The following MS4A3 variants were observed in gnomAD, a reference collection of about 807,000 sequenced individuals.
MS4A3 encodes membrane spanning 4-domains A3, also known as membrane-spanning 4-domains subfamily A member 3.
MS4A3 carries 18 observed loss-of-function variants against 24.7 expected under a neutral mutation model. The ratio of observed to expected loss-of-function variants is 0.73; its 90% CI spans 0.50 to 1.08. The LOEUF is 1.08. MS4A3 is among the 50% of genes least tolerant of loss of function. MS4A3 has a pLI of 0.00. For missense variants in MS4A3, 282 were observed against 251.7 expected, an observed-to-expected ratio of 1.12 and a Z score of -0.82; for synonymous variants, 84 against 95.3, an observed-to-expected ratio of 0.88 and a Z score of 0.69.
chr11:60,062,663 G>C, intron 3 of MS4A3, 58 bp downstream of exon 3: 11 of 1,587,158 alleles, frequency 6.9e-6, no homozygotes, highest in Non-Finnish European at 9.5e-6. Flanking sequence ...TGCTGGAGAT[G>C]TGTTTGATGA....
rs150117675 is a variant in MS4A3 at position 60,064,895 on chromosome 11, G to A, written c.351+577G>A. Among the ~76,000 whole-genome samples, 32 of 152,034 alleles carry A rather than the reference G, an allele frequency of 2.1e-4. 1 individual carries two copies. In the East Asian group the frequency reaches 6.0e-3, roughly 28 times the overall value. On this transcript the variant is annotated intron_variant, in intron 4 of 6. Transcript: ENST00000278865. Reference sequence around the variant, plus strand: ...AATTTTCAGACCTCCACTACTAATGGACTAGATCTGTACCAATGTATTTTT... The same window carrying A: ...AATTTTCAGACCTCCACTACTAATGAACTAGATCTGTACCAATGTATTTTT...
chr11:60,068,473 C>T (rs1278047533), intron 5 of MS4A3, among the ~76,000 whole-genome samples: 2 of 148,578 alleles, frequency 1.3e-5, no homozygotes, highest in Non-Finnish European at 1.5e-5. Context: ...AGGATGGTCT[C>T]GATCTCCTGA....
intron 1 of MS4A3, among the ~76,000 whole-genome samples, chr11:60,057,651 G>T (rs1166738353): frequency 6.6e-6 from 1 of 152,044 alleles, no homozygotes; most frequent in Non-Finnish European, 1.5e-5. Context: ...AGATCCTCCC[G>T]CCTCTGCCTC....
At chr11:60,062,344 T>C in intron 2 of MS4A3, 124 bp from the exon 3 acceptor site, 1 of 1,160,082 alleles carries the variant, frequency 8.6e-7, no homozygotes, top group Non-Finnish European at 1.2e-6. Flanking sequence ...TCTGTTAATT[T>C]AGGCTTGACA....
At position 60,069,590 on chromosome 11, in the gene MS4A3, T is replaced by G; in HGVS notation, c.530T>G (p.Leu177Arg). Reference protein sequence around the residue: ...GSISNGMVSLLLILTLLELCV... With the variant: ...GSISNGMVSLRLILTLLELCV... ...ATCCCCTAGGGCATGGTGTCTCTACTGCTGATTCTCACCTTGCTGGAATTA... is the reference window on the plus strand; with the variant it reads ...ATCCCCTAGGGCATGGTGTCTCTACGGCTGATTCTCACCTTGCTGGAATTA... Residue 177 changes from leucine to arginine, a missense_variant, in exon 6 of 7, where the codon CTG becomes CGG. Physicochemically the swap from Leu to Arg is moderately radical, Grantham distance 102. Transcript: ENST00000278865. 1 of 1,613,068 alleles carries G rather than the reference T, an allele frequency of 6.2e-7. No homozygotes were observed. Among genetic ancestry groups the G allele is most frequent in the Non-Finnish European group, 8.5e-7 (1 of 1,179,144 alleles).
Position 60,061,336 on chromosome 11 carries a change from A to G in MS4A3, c.156+20A>G. Reference sequence around the variant, plus strand: ...CTTGGGGTAAGTCAGCCTTAGTTTAAACACTGATTTAAGAGGGAAGAAAAT... The same window carrying G: ...CTTGGGGTAAGTCAGCCTTAGTTTAGACACTGATTTAAGAGGGAAGAAAAT... On this transcript the variant is annotated intron_variant, in intron 2 of 6. Transcript: ENST00000278865. 6.3e-7 allele frequency: 1 copy of G among 1,594,652 alleles called. No homozygotes were observed. Among genetic ancestry groups the G allele is most frequent in the Non-Finnish European group, 8.5e-7 (1 of 1,172,284 alleles).
At chr11:60,061,767 C>A (rs1855280049) in intron 2 of MS4A3, among the ~76,000 whole-genome samples, 1 of 152,078 alleles carries the variant, frequency 6.6e-6, no homozygotes, top group Non-Finnish European at 1.5e-5. Context: ...CATTCCAAAC[C>A]CCAATGTTGT....
At chr11:60,058,506 CAAAAAAAAAAAAAAAAAA>C (rs58722616) in intron 1 of MS4A3, among the ~76,000 whole-genome samples, 2,074 of 17,914 alleles carry the variant, frequency 0.12, 86 homozygotes, top group African/African-American at 0.25. Context: ...AGCTCCAACT[CAAAAAAAAAAAAAAAAAA>C]AAAAAAAAAA....
Position 60,061,475 on chromosome 11 carries a change from C to T in MS4A3, c.156+159C>T, listed in dbSNP as rs143573598. On this transcript the variant is annotated intron_variant, in intron 2 of 6. Coordinates refer to ENST00000278865, the MANE Select transcript of MS4A3 (RefSeq NM_006138.5). ...GACAGCAAGAACAACCCCTGCTCTC[C>T]CTCTTCTTCCTCAGTCTATTCAACG... 60 of 790,172 alleles carry T rather than the reference C, an allele frequency of 7.6e-5. No individual in the cohort carries two copies. The African/African-American group carries it at 7.9e-4, about 10-fold the overall frequency. 48.9% of individuals were successfully genotyped at this position (790,172 alleles called of 1,614,324 possible). A position where few individuals can be genotyped will look rare whatever the true frequency, so the allele number is the denominator to read the frequency against.
At chr11:60,059,458 G>A (rs368987822) in intron 1 of MS4A3, among the ~76,000 whole-genome samples, 1 of 152,026 alleles carries the variant, frequency 6.6e-6, no homozygotes, top group Admixed American at 6.6e-5. Flanking sequence ...AGGTAAATTC[G>A]TGCCACAGGG....
At chr11:60,062,252 G>A (rs1855287438) in intron 2 of MS4A3, among the ~76,000 whole-genome samples, 1 of 152,170 alleles carries the variant, frequency 6.6e-6, no homozygotes, top group African/African-American at 2.4e-5. Context: ...CAGAAATGTG[G>A]GGGAGAGGTG....
intron 2 of MS4A3, 136 bp downstream of exon 2, chr11:60,061,452 C>A: frequency 1.0e-6 from 1 of 1,002,704 alleles, no homozygotes; most frequent in South Asian, 1.5e-5. Flanking sequence ...CATCCCGAGA[C>A]AGCAAGAACA....
rs1030786512 is a variant in MS4A3 at position 60,063,427 on chromosome 11, T to C, written c.294+822T>C. Among the ~76,000 whole-genome samples the C allele has an allele frequency of 2.2e-4, 34 of 152,346 alleles. 1 individual carries two copies. The highest frequency in any genetic ancestry group is 7.5e-4 in the African/African-American group (31 of 41,588). ...TGATGGTTCATTTTTAAAAAGTGAA[T>C]GATATGTTTGTTGGCCATTTGTATA... On this transcript the variant is annotated intron_variant, in intron 3 of 6. Transcript: ENST00000278865.
intron 4 of MS4A3, among the ~76,000 whole-genome samples, chr11:60,065,670 A>G (rs1855349464): frequency 2.0e-5 from 3 of 152,196 alleles, no homozygotes; most frequent in Admixed American, 2.0e-4. Flanking sequence ...AACTTAAGCT[A>G]TGAGTAGCAT....
chr11:60,067,210 A>ATATTT, intron 5 of MS4A3, 98 bp downstream of exon 5: 9 of 835,998 alleles, frequency 1.1e-5, no homozygotes, highest in Non-Finnish European at 1.5e-5. Context: ...CATAATTTGA[A>ATATTT]TCTTTTTTTT....
rs137885510 is a variant in MS4A3, at chr11:60,070,188, T to C, written c.616-16T>C. On this transcript the variant is annotated splice_polypyrimidine_tract_variant and intron_variant, in intron 6 of 6. Transcript: ENST00000278865. ...ATGATCCTGTTCTTGGACATTAATG[T>C]TGTTTTATTTTCTAGGAAATTTCCT... The C allele has an allele frequency of 3.3e-3, 5,184 of 1,593,050 alleles. 11 individuals are homozygous for C. Among genetic ancestry groups the C allele is most frequent in the Non-Finnish European group, 4.1e-3 (4,812 of 1,161,342 alleles).
intron 5 of MS4A3, among the ~76,000 whole-genome samples, chr11:60,068,492 TCCGCCCGCCTCTG>T (rs1855413627): frequency 6.6e-6 from 1 of 150,920 alleles, no homozygotes; most frequent in Non-Finnish European, 1.5e-5. Context: ...GACCTCGTGA[TCCGCCCGCCTCTG>T]CCTCCCAAAG....
intron 4 of MS4A3, 104 bp from the exon 5 acceptor site, chr11:60,066,846 TG>T: frequency 2.3e-6 from 2 of 854,232 alleles, no homozygotes; most frequent in Non-Finnish European, 3.4e-6. Context: ...AGGATATCAG[TG>T]GGTGTGTAAA....
chr11:60,059,529 A>G (rs1193043320), intron 1 of MS4A3, among the ~76,000 whole-genome samples: 1 of 151,558 alleles, frequency 6.6e-6, no homozygotes, highest in African/African-American at 2.4e-5. Flanking sequence ...ATTTTTCCCG[A>G]TCTCCTCCCT....
Sources: allele counts gnomAD v4.1 joint callset (sites outside exome capture counted in the v4.1 genomes callset), GRCh38; gene constraint gnomAD v4.1.1; transcripts MANE v1.5; gene names NCBI Gene and HGNC (gene_info 2026-07-23, HGNC 2026-07-21).